Variants in C12orf42 observed in about 807,000 individuals in gnomAD.
C12orf42 encodes chromosome 12 open reading frame 42, also known as uncharacterized protein C12orf42.
A neutral mutation model predicts 21.6 loss-of-function variants in C12orf42; 25 were observed. That is an observed-to-expected ratio of 1.16 (90% CI 0.84 to 1.62). The LOEUF (loss-of-function observed/expected upper bound fraction) is 1.62, where lower values mean the gene tolerates loss of function less well. Ranked by LOEUF, C12orf42 falls within the 40% of genes most tolerant of loss-of-function variation. C12orf42 has a pLI of 0.00. For missense variants in C12orf42, 483 were observed against 459.3 expected (o/e 1.05, Z -0.47); for synonymous variants, 174 against 175.0 (o/e 0.99, Z 0.05).
At chr12:103,386,298 C>T (rs185037422) in intron 3 of C12orf42, among the ~76,000 whole-genome samples, 1 of 152,282 alleles carries the variant, frequency 6.6e-6, no homozygotes, top group Admixed American at 6.5e-5. Flanking sequence ...CTGGTACTAG[C>T]AGCCTCAGCA....
intron 3 of C12orf42, among the ~76,000 whole-genome samples, chr12:103,398,537 T>C (rs1337673290): frequency 6.6e-6 from 1 of 152,152 alleles, no homozygotes; most frequent in Non-Finnish European, 1.5e-5. Flanking sequence ...AATTTATCAA[T>C]ATATCTTGAA....
chr12:103,322,125 G>GCACACA (rs34616179), intron 4 of C12orf42, among the ~76,000 whole-genome samples: 2 of 90,502 alleles, frequency 2.2e-5, no homozygotes, highest in Non-Finnish European at 4.5e-5. Flanking sequence ...GCGCGCGCGC[G>GCACACA]CACACACACA....
chr12:103,447,809 G>C (rs1458603967), intron 2 of C12orf42, among the ~76,000 whole-genome samples: 1 of 151,926 alleles, frequency 6.6e-6, no homozygotes, highest in East Asian at 1.9e-4. Context: ...ACCAACAAAT[G>C]GGAGCACATC....
At chr12:103,478,170 G>A in intron 2 of C12orf42, 179 bp downstream of exon 2, 4 of 517,070 alleles carry the variant, frequency 7.7e-6, no homozygotes, top group Non-Finnish European at 3.4e-6. Flanking sequence ...ATTTATGAAG[G>A]CATTTAAAAT....
At chr12:103,242,526 T>C (rs2033800053) in intron 10 of C12orf42, among the ~76,000 whole-genome samples, 1 of 152,152 alleles carries the variant, frequency 6.6e-6, no homozygotes, top group Non-Finnish European at 1.5e-5. Flanking sequence ...CTTTATTACA[T>C]TTTTCAAATT....
intron 3 of C12orf42, among the ~76,000 whole-genome samples, chr12:103,394,722 C>G (rs1423943596): frequency 6.6e-6 from 1 of 152,130 alleles, no homozygotes; most frequent in Non-Finnish European, 1.5e-5. Context: ...CTTTAGTGGG[C>G]AGCTTATTGG....
intron 4 of C12orf42, among the ~76,000 whole-genome samples, chr12:103,356,644 G>A (rs1267152221): frequency 2.0e-5 from 3 of 151,712 alleles, no homozygotes; most frequent in Admixed American, 6.6e-5. Flanking sequence ...CCCACCAACA[G>A]TGTAAAAGTG....
chr12:103,423,021 G>GT (rs1256952550), intron 2 of C12orf42, among the ~76,000 whole-genome samples: 1 of 152,174 alleles, frequency 6.6e-6, no homozygotes, highest in Non-Finnish European at 1.5e-5. Context: ...ATTGGAGCCA[G>GT]TATTTTTCCT....
At chr12:103,105,157 C>A in the C12orf42 span, among the ~76,000 whole-genome samples, 22 of 152,050 alleles carry the variant, frequency 1.4e-4, no homozygotes, top group African/African-American at 5.3e-4. Context: ...GTGTGTAGAA[C>A]CCCAAAAGAA....
chr12:103,185,523 C>G, the C12orf42 span, among the ~76,000 whole-genome samples: 2 of 151,722 alleles, frequency 1.3e-5, no homozygotes, highest in Non-Finnish European at 2.9e-5. Flanking sequence ...TTCTTTCCTT[C>G]TTTTTTCTCC....
At chr12:103,096,735 G>C in the C12orf42 span, among the ~76,000 whole-genome samples, 1 of 152,148 alleles carries the variant, frequency 6.6e-6, no homozygotes, top group African/African-American at 2.4e-5. Context: ...GATATTTAAA[G>C]GGTCCTTGGT....
At chr12:103,271,122 T>C (rs2035450097) in intron 5 of C12orf42, among the ~76,000 whole-genome samples, 1 of 152,122 alleles carries the variant, frequency 6.6e-6, no homozygotes, top group Non-Finnish European at 1.5e-5. Context: ...GTGTGACTTT[T>C]TGCAAGCCAC....
chr12:103,210,130 T>C, the C12orf42 span, among the ~76,000 whole-genome samples: 24 of 152,296 alleles, frequency 1.6e-4, no homozygotes, highest in Non-Finnish European at 2.2e-4. Flanking sequence ...AAGATGGTAA[T>C]TTTCCACTTT....
chr12:103,081,611 T>G, the C12orf42 span: 2 of 152,208 alleles, frequency 1.3e-5, no homozygotes. Context: ...ACACAAGTAC[T>G]TAGAAGATAG....
At chr12:103,367,774 C>A (rs775703918) in intron 4 of C12orf42, among the ~76,000 whole-genome samples, 13 of 151,806 alleles carry the variant, frequency 8.6e-5, no homozygotes, top group Non-Finnish European at 1.8e-4. Flanking sequence ...TTATCCCCCC[C>A]CAAAAAAATT....
chr12:103,321,972 A>T (rs537289048), intron 4 of C12orf42, among the ~76,000 whole-genome samples: 1 of 152,278 alleles, frequency 6.6e-6, no homozygotes, highest in South Asian at 2.1e-4. Context: ...ATATGTAACT[A>T]ACCTGCACAA....
At chr12:103,453,198 T>C (rs1424475142) in intron 2 of C12orf42, among the ~76,000 whole-genome samples, 1 of 151,494 alleles carries the variant, frequency 6.6e-6, no homozygotes, top group Non-Finnish European at 1.5e-5. Context: ...ATTTTATTTC[T>C]TTAATGACTA....
intron 1 of C12orf42, among the ~76,000 whole-genome samples, chr12:103,489,879 G>A (rs1475293073): frequency 6.6e-6 from 1 of 152,164 alleles, no homozygotes; most frequent in Non-Finnish European, 1.5e-5. Context: ...GCTAGGAAAG[G>A]GAAATCCCCT....
the C12orf42 span, among the ~76,000 whole-genome samples, chr12:103,068,868 C>CCTCT: frequency 7.5e-5 from 10 of 134,004 alleles, no homozygotes; most frequent in East Asian, 2.1e-4. Flanking sequence ...ATAATAAACT[C>CCTCT]CTCTCTCTAT....
Sources: gnomAD v4.1 joint callset for allele counts (sites outside exome capture counted in the v4.1 genomes callset) on GRCh38, gnomAD v4.1.1 for gene constraint, MANE v1.5 for transcripts, NCBI Gene and HGNC (gene_info 2026-07-23, HGNC 2026-07-21) for gene names.